OVCH1: variants seen among roughly 807,000 people sequenced by gnomAD.
The protein encoded by OVCH1 is ovochymase 1.
Under a neutral mutation model 138.4 loss-of-function variants are expected in OVCH1, and 139 were observed. That is an observed-to-expected ratio of 1.00 (90% confidence interval 0.87 to 1.16). The LOEUF (loss-of-function observed/expected upper bound fraction) is 1.16, where lower values mean the gene tolerates loss of function less well. Among genes scored for constraint, OVCH1 ranks in the 50% most tolerant of loss-of-function variants. OVCH1 has a pLI of 0.00. For synonymous variants in OVCH1, 453 were observed against 467.8 expected (o/e 0.97, Z 0.41); for missense variants, 1,367 against 1,357.9 (o/e 1.01, Z -0.11).
At chr12:29,434,123 C>A (rs1033967038) in intron 26 of OVCH1, among the ~76,000 whole-genome samples, 13 of 152,032 alleles carry the variant, frequency 8.6e-5, no homozygotes, top group Non-Finnish European at 1.5e-4. Flanking sequence ...GCGTATCTTT[C>A]AAAAATCTGG....
At position 29,497,537 on chromosome 12, in the gene OVCH1, T is replaced by C. The variant is rs1329560614; in HGVS notation, c.64+86A>G. ...TCAGGTGTGGCTATACCACCCCGAC[T>C]TCCTGAGGCAAGGAGTAATGAAGTC... On this transcript the variant is annotated intron_variant, in intron 1 of 27. Coordinates refer to ENST00000318184, the Ensembl canonical transcript of OVCH1. The C allele has an allele frequency of 1.1e-5, 16 of 1,514,176 alleles. No individual in the cohort carries two copies. In the East Asian group the frequency reaches 2.6e-4, roughly 24 times the overall value. The allele number at this position is 1,514,176 out of a possible 1,614,324, so 93.8% of individuals were successfully genotyped here. A position where few individuals can be genotyped will look rare whatever the true frequency, so the allele number is the denominator to read the frequency against.
chr12:29,461,488 A>G (rs1336392339), intron 19 of OVCH1, among the ~76,000 whole-genome samples: 1 of 152,240 alleles, frequency 6.6e-6, no homozygotes, highest in East Asian at 1.9e-4. Flanking sequence ...TTAAGTCATA[A>G]GTAGGACACA....
downstream of OVCH1, among the ~76,000 whole-genome samples, chr12:29,426,257 A>G (rs1592028595): frequency 6.6e-6 from 1 of 152,282 alleles, no homozygotes; most frequent in East Asian, 1.9e-4. Flanking sequence ...AACTTCCTAA[A>G]TCCATCAACC....
chr12:29,477,097 C>T lies in OVCH1; in HGVS notation c.1377+5G>A. On this transcript the variant is annotated splice_donor_5th_base_variant and intron_variant, in intron 12 of 27. Transcript: ENST00000318184. The stretch of plus-strand genomic sequence containing the variant: ...ATGAGGTAGAGCGATTCCTCAGTTG[C>T]CTACCTTTATAATGTGCTTCTCTGG... The T allele has an allele frequency of 6.3e-7, 1 of 1,597,196 alleles. No homozygotes were observed. The highest frequency in any genetic ancestry group is 8.5e-7 in the Non-Finnish European group (1 of 1,171,410).
At chr12:29,479,123 C>A (rs187714491) in intron 8 of OVCH1, among the ~76,000 whole-genome samples, 155 bp from the exon 10 acceptor site, 1 of 152,236 alleles carries the variant, frequency 6.6e-6, no homozygotes, top group East Asian at 1.9e-4. Context: ...GAGAAAAATT[C>A]GTGCTCAAAT....
At chr12:29,409,479 A>T (rs1380865811), downstream of OVCH1, among the ~76,000 whole-genome samples, 1 of 151,514 alleles carries the variant, frequency 6.6e-6, no homozygotes, top group Non-Finnish European at 1.5e-5. Context: ...ACTGCTTTGA[A>T]TGTGTCCCAG....
chr12:29,486,584 T>C (rs1272499353), intron 7 of OVCH1, among the ~76,000 whole-genome samples: 1 of 152,160 alleles, frequency 6.6e-6, no homozygotes, highest in African/African-American at 2.4e-5. Context: ...AAATAAGATG[T>C]GAAATATTCA....
At chr12:29,444,124 T>C in intron 24 of OVCH1, 21 bp downstream of exon 24, 1 of 1,576,044 alleles carries the variant, frequency 6.3e-7, no homozygotes, top group East Asian at 2.3e-5. Flanking sequence ...TCTTCCATTA[T>C]AATAATCATG....
intron 16 of OVCH1, among the ~76,000 whole-genome samples, chr12:29,469,605 C>T (rs1358256339): frequency 6.6e-6 from 1 of 151,896 alleles, no homozygotes; most frequent in Non-Finnish European, 1.5e-5. Flanking sequence ...GAAAGTGGGG[C>T]ACTGTGGGTC....
chr12:29,452,839 T>C (rs2135947132), intron 21 of OVCH1, among the ~76,000 whole-genome samples: 1 of 152,288 alleles, frequency 6.6e-6, no homozygotes, highest in South Asian at 2.1e-4. Flanking sequence ...GTGTTAAATA[T>C]GGCATGGTCC....
At chr12:29,407,410 G>A in the OVCH1 span, among the ~76,000 whole-genome samples, 2 of 149,942 alleles carry the variant, frequency 1.3e-5, no homozygotes, top group East Asian at 1.9e-4. Context: ...GTATTGCCTA[G>A]GTTTTCTTCT....
intron 18 of OVCH1, 122 bp from the exon 19 acceptor site, chr12:29,462,130 A>G: frequency 9.4e-7 from 1 of 1,061,550 alleles, no homozygotes; most frequent in Non-Finnish European, 1.3e-6. Flanking sequence ...GTTTGGCCTG[A>G]GCTGATGTAG....
chr12:29,412,524 C>T (rs1036546790), exon 5 of OVCH1: 4 of 152,060 alleles, frequency 2.6e-5, no homozygotes, highest in East Asian at 1.9e-4. Context: ...CACCATTATT[C>T]GTATTAAAAA....
At chr12:29,454,723 C>G (rs1254446285) in intron 21 of OVCH1, 118 bp downstream of exon 21, 2 of 847,382 alleles carry the variant, frequency 2.4e-6, no homozygotes, top group East Asian at 5.6e-5. Context: ...AACTACCAAC[C>G]AGAAGGAAAA....
chr12:29,410,377 G>A (rs371052626), downstream of OVCH1, among the ~76,000 whole-genome samples: 7 of 151,152 alleles, frequency 4.6e-5, no homozygotes, highest in African/African-American at 9.7e-5. Flanking sequence ...TATTTTGCTC[G>A]TTAGTTGATG....
At chr12:29,439,207 G>A in intron 26 of OVCH1, 2 of 905,590 alleles carry the variant, frequency 2.2e-6, no homozygotes, top group Non-Finnish European at 2.9e-6. Context: ...GAAGCTCAAA[G>A]TCCTTTGCCT....
At chr12:29,425,756 G>T (rs1414594508), downstream of OVCH1, among the ~76,000 whole-genome samples, 1 of 152,132 alleles carries the variant, frequency 6.6e-6, no homozygotes, top group Non-Finnish European at 1.5e-5. Context: ...CTGGATAATG[G>T]TAAATATTTA....
At chr12:29,496,424 A>G in intron 2 of OVCH1, 132 bp downstream of exon 2, 1 of 1,132,204 alleles carries the variant, frequency 8.8e-7, no homozygotes, top group East Asian at 2.5e-5. Flanking sequence ...GTTCCTACGA[A>G]GTAAACTTTT....
At chr12:29,421,778 T>A (rs1392726235) in intron 3 of OVCH1, among the ~76,000 whole-genome samples, 1 of 152,190 alleles carries the variant, frequency 6.6e-6, no homozygotes, top group Non-Finnish European at 1.5e-5. Flanking sequence ...TGTTTTTAAG[T>A]ATGAATTTTC....
Sources: allele counts gnomAD v4.1 joint callset (sites outside exome capture counted in the v4.1 genomes callset), GRCh38; gene constraint gnomAD v4.1.1; transcripts MANE v1.5; gene names NCBI Gene and HGNC (gene_info 2026-07-23, HGNC 2026-07-21).